The following ARHGEF28 variants were observed in gnomAD, a reference collection of about 807,000 sequenced individuals.
ARHGEF28 encodes Rho guanine nucleotide exchange factor 28.
Under a neutral mutation model 206.6 loss-of-function variants are expected in ARHGEF28, and 152 were observed. The observed-to-expected ratio is 0.74, with a 90% CI of 0.64 to 0.84. ARHGEF28 has a LOEUF of 0.84. ARHGEF28 is among the 40% of genes least tolerant of loss of function. ARHGEF28 has a pLI of 0.00. For missense variants in ARHGEF28, 2,028 were observed against 2,073.2 expected (o/e 0.98, Z 0.42); for synonymous variants, 763 against 776.4 (o/e 0.98, Z 0.29).
At chr5:73,670,510 G>A (rs1219412050) in intron 1 of ARHGEF28, among the ~76,000 whole-genome samples, 2 of 152,142 alleles carry the variant, frequency 1.3e-5, no homozygotes, top group Non-Finnish European at 2.9e-5. Context: ...ATTTCTCCAA[G>A]GAGAAAATGC....
chr5:73,684,179 A>G (rs1475886038), intron 1 of ARHGEF28, among the ~76,000 whole-genome samples: 1 of 152,180 alleles, frequency 6.6e-6, no homozygotes, highest in Non-Finnish European at 1.5e-5. Flanking sequence ...CATCTCCAGA[A>G]CTTCCTTATC....
intron 9 of ARHGEF28, among the ~76,000 whole-genome samples, chr5:73,802,454 A>G (rs1580637770): frequency 1.3e-5 from 2 of 152,322 alleles, no homozygotes; most frequent in Admixed American, 6.5e-5. Context: ...CTGAAGTGTA[A>G]CAAGGGAGGG....
chr5:73,701,483 G>A (rs191711710), intron 2 of ARHGEF28, among the ~76,000 whole-genome samples: 5 of 152,238 alleles, frequency 3.3e-5, no homozygotes, highest in African/African-American at 9.6e-5. Flanking sequence ...TAAATTGCAT[G>A]TGGTCTTTAG....
At chr5:73,746,016 A>G (rs1393130279) in intron 2 of ARHGEF28, among the ~76,000 whole-genome samples, 2 of 152,088 alleles carry the variant, frequency 1.3e-5, no homozygotes, top group Non-Finnish European at 2.9e-5. Context: ...GGAACTGTTT[A>G]TGATCTGTTA....
intron 35 of ARHGEF28, among the ~76,000 whole-genome samples, chr5:73,918,003 C>T (rs1258359406): frequency 2.0e-5 from 3 of 152,070 alleles, no homozygotes; most frequent in Admixed American, 6.5e-5. Context: ...CCGGCTTCAG[C>T]AAAGGAAAGG....
chr5:73,769,079 C>A (rs909290860), intron 4 of ARHGEF28, among the ~76,000 whole-genome samples: 1 of 152,164 alleles, frequency 6.6e-6, no homozygotes, highest in South Asian at 2.1e-4. Flanking sequence ...GTCCATTAAA[C>A]CTCTTTCTTT....
chr5:73,843,900 A>G (rs1758139340), intron 11 of ARHGEF28, among the ~76,000 whole-genome samples: 2 of 152,194 alleles, frequency 1.3e-5, no homozygotes, highest in African/African-American at 2.4e-5. Flanking sequence ...ATGTCACACC[A>G]TGAACGTCCC....
rs75327385 is a variant in ARHGEF28, at chr5:73,788,134, G to T, written c.911-6268G>T. On this transcript the variant is annotated intron_variant, in intron 7 of 35. Coordinates refer to ENST00000513042, the MANE Select transcript of ARHGEF28 (RefSeq NM_001177693.2). The stretch of plus-strand genomic sequence containing the variant: ...ATAAGCAGCCTAGAGAGAAAAAAAA[G>T]TATTAAACTCAACTAAGTATTCTAA... Among the ~76,000 whole-genome samples, 101 of 151,846 alleles carry T rather than the reference G, an allele frequency of 6.7e-4. 1 individual carries two copies. In the East Asian group the frequency reaches 0.019, roughly 28 times the overall value.
At chr5:73,813,289 A>G (rs543590114) in intron 9 of ARHGEF28, among the ~76,000 whole-genome samples, 1 of 152,244 alleles carries the variant, frequency 6.6e-6, no homozygotes, top group African/African-American at 2.4e-5. Context: ...TTTGCTCCCA[A>G]TGACCTTTTG....
intron 35 of ARHGEF28, among the ~76,000 whole-genome samples, chr5:73,916,161 G>A (rs989261379): frequency 1.3e-5 from 2 of 151,910 alleles, no homozygotes; most frequent in Non-Finnish European, 2.9e-5. Flanking sequence ...GCCATACTTA[G>A]TATTTAAATA....
intron 4 of ARHGEF28, among the ~76,000 whole-genome samples, chr5:73,766,161 AAAAAAC>A (rs1418569366): frequency 8.2e-5 from 12 of 147,124 alleles, no homozygotes; most frequent in Non-Finnish European, 1.0e-4. Flanking sequence ...CTCAAAAAAA[AAAAAAC>A]AAAAAACAAA....
intron 9 of ARHGEF28, among the ~76,000 whole-genome samples, chr5:73,822,167 C>T (rs918157824): frequency 6.6e-6 from 1 of 152,110 alleles, no homozygotes; most frequent in Non-Finnish European, 1.5e-5. Context: ...CTGTGCTTTT[C>T]CGGGGGGAAG....
chr5:73,798,092 G>C (rs1754928459), intron 9 of ARHGEF28, among the ~76,000 whole-genome samples: 2 of 152,020 alleles, frequency 1.3e-5, no homozygotes, highest in Non-Finnish European at 1.5e-5. Flanking sequence ...TTTTTTTTAA[G>C]TTGTTGTGGT....
At chr5:73,807,023 T>G (rs1755548232) in intron 9 of ARHGEF28, among the ~76,000 whole-genome samples, 1 of 147,098 alleles carries the variant, frequency 6.8e-6, no homozygotes, top group South Asian at 2.2e-4. Context: ...AACAAGTCTA[T>G]GGCATGTAAG....
intron 20 of ARHGEF28, among the ~76,000 whole-genome samples, chr5:73,869,201 C>T (rs1759906909): frequency 1.3e-5 from 1 of 79,788 alleles, no homozygotes; most frequent in African/African-American, 5.4e-5. Flanking sequence ...TTTAGTTTTC[C>T]TGAGGAGTGT....
At chr5:73,888,937 C>A (rs1310430159) in intron 26 of ARHGEF28, among the ~76,000 whole-genome samples, 1 of 152,136 alleles carries the variant, frequency 6.6e-6, no homozygotes, top group East Asian at 1.9e-4. Context: ...ATGTGTTAAC[C>A]TGACATGTAA....
At chr5:73,640,216 GGTACCTGGACATAATCCCATAA>G (rs982073110) in intron 1 of ARHGEF28, among the ~76,000 whole-genome samples, 11 of 152,304 alleles carry the variant, frequency 7.2e-5, no homozygotes, top group African/African-American at 2.4e-4. Context: ...GGATCAGACA[GGTACCTGGACATAATCCCATAA>G]GTGCTACTGG....
intron 9 of ARHGEF28, among the ~76,000 whole-genome samples, chr5:73,804,639 A>T (rs1479677502): frequency 6.6e-6 from 1 of 152,210 alleles, no homozygotes. Context: ...ATTAGGATCA[A>T]GCTGCCGTTA....
intron 2 of ARHGEF28, among the ~76,000 whole-genome samples, chr5:73,718,616 G>A (rs72770832): frequency 0.21 from 32,594 of 151,986 alleles, 3,705 homozygotes; most frequent in African/African-American, 0.24. Flanking sequence ...GGGCCCAGAT[G>A]TGTTCCTGAG....
Sources: gnomAD v4.1 joint callset for allele counts (sites outside exome capture counted in the v4.1 genomes callset) on GRCh38, gnomAD v4.1.1 for gene constraint, MANE v1.5 for transcripts, NCBI Gene and HGNC (gene_info 2026-07-23, HGNC 2026-07-21) for gene names.